The following LMX1A variants were observed in gnomAD, a reference collection of about 807,000 sequenced individuals.
LMX1A encodes the protein LIM homeobox transcription factor 1-alpha.
Under a neutral mutation model 49.1 loss-of-function variants are expected in LMX1A, and 15 were observed. That is an observed-to-expected ratio of 0.31 (90% CI 0.20 to 0.47). The LOEUF (loss-of-function observed/expected upper bound fraction) is 0.47. LMX1A is among the 20% of genes least tolerant of loss of function. LMX1A has a pLI of 1.00. For missense variants in LMX1A, 372 were observed against 475.8 expected, an observed-to-expected ratio of 0.78 and a Z score of 2.03; for synonymous variants, 167 against 185.7, an observed-to-expected ratio of 0.90 and a Z score of 0.82.
At chr1:165,224,422 G>A (rs1218800248) in intron 4 of LMX1A, among the ~76,000 whole-genome samples, 1 of 152,146 alleles carries the variant, frequency 6.6e-6, no homozygotes, top group Non-Finnish European at 1.5e-5. Flanking sequence ...ATAAAATGGG[G>A]TCGTTGAAAG....
At chr1:165,308,589 C>T (rs895055117) in intron 3 of LMX1A, among the ~76,000 whole-genome samples, 1 of 152,186 alleles carries the variant, frequency 6.6e-6, no homozygotes, top group Admixed American at 6.5e-5. Context: ...AAAGTTGTAT[C>T]ATTTAGTCCT....
intron 3 of LMX1A, among the ~76,000 whole-genome samples, chr1:165,261,090 A>G (rs986719794): frequency 3.9e-5 from 6 of 152,240 alleles, no homozygotes; most frequent in Admixed American, 2.0e-4. Context: ...GCCTGTGCAC[A>G]GAAGCTCAGG....
chr1:165,252,345 T>G (rs1357756079), intron 3 of LMX1A, among the ~76,000 whole-genome samples: 2 of 152,174 alleles, frequency 1.3e-5, no homozygotes, highest in Non-Finnish European at 2.9e-5. Flanking sequence ...TCCTTGTCAC[T>G]CCAGAGAAAT....
At chr1:165,330,401 G>A (rs570338779) in intron 3 of LMX1A, among the ~76,000 whole-genome samples, 10 of 152,338 alleles carry the variant, frequency 6.6e-5, no homozygotes, top group Non-Finnish European at 1.5e-4. Context: ...AACCCAGGAG[G>A]TTGAGGTTGC....
rs969979456 is a variant in LMX1A, at chr1:165,222,802, C to A, written c.497-8989G>T. Among the ~76,000 whole-genome samples, 3 of 152,166 alleles carry A rather than the reference C, an allele frequency of 2.0e-5. 1 individual carries two copies. The highest frequency in any genetic ancestry group is 1.3e-4 in the Admixed American group (2 of 15,268). On this transcript the variant is annotated intron_variant, in intron 4 of 8. Coordinates refer to ENST00000342310, the MANE Select transcript of LMX1A (RefSeq NM_177398.4). ...TGGAGAGGAAAGCCGAGGCCCATACCCAGCCGGGTCTATGCCTTCAGACTC... is the reference window on the plus strand; with the variant it reads ...TGGAGAGGAAAGCCGAGGCCCATACACAGCCGGGTCTATGCCTTCAGACTC...
At chr1:165,208,029 A>G in intron 7 of LMX1A, 34 bp downstream of exon 7, 1 of 1,601,830 alleles carries the variant, frequency 6.2e-7, no homozygotes, top group Non-Finnish European at 8.5e-7. Flanking sequence ...CCTGGATTCC[A>G]GCCAGAACTG....
In LMX1A at chr1:165,356,366, G is replaced by A. The variant is rs1656619293; in HGVS notation, c.-34C>T. 1 of 152,270 alleles carries A rather than the reference G, an allele frequency of 6.6e-6. No homozygotes were observed. The highest frequency in any genetic ancestry group is 1.5e-5 in the Non-Finnish European group (1 of 68,078). 9.4% of individuals were successfully genotyped at this position (152,270 alleles called of 1,614,324 possible). A position where few individuals can be genotyped will look rare whatever the true frequency, so the allele number is the denominator to read the frequency against. On this transcript the variant is annotated 5_prime_UTR_variant, in exon 1 of 9. Transcript: ENST00000342310. ...GCAGCCTTACTTACCTGGTAGGCGA[G>A]CTCTCTCCCAGTGACTGGAGCAGAG...
At chr1:165,326,764 C>T (rs1172160903) in intron 3 of LMX1A, among the ~76,000 whole-genome samples, 4 of 152,176 alleles carry the variant, frequency 2.6e-5, no homozygotes, top group Non-Finnish European at 5.9e-5. Flanking sequence ...CTCAGTTCCA[C>T]GTAGTTGCTA....
intron 3 of LMX1A, among the ~76,000 whole-genome samples, chr1:165,300,237 G>A (rs1458691464): frequency 6.6e-6 from 1 of 152,182 alleles, no homozygotes; most frequent in African/African-American, 2.4e-5. Flanking sequence ...ACCAGAGCCT[G>A]CTATCAATTA....
chr1:165,320,596 C>T (rs1655356222), intron 3 of LMX1A, among the ~76,000 whole-genome samples: 2 of 152,150 alleles, frequency 1.3e-5, no homozygotes, highest in Admixed American at 1.3e-4. Context: ...TCATCTCAAA[C>T]CTAAAAGAGA....
intron 4 of LMX1A, among the ~76,000 whole-genome samples, chr1:165,225,479 C>A (rs1286983875): frequency 1.3e-5 from 2 of 152,182 alleles, no homozygotes; most frequent in African/African-American, 4.8e-5. Context: ...CCATCACAAA[C>A]ACTTTGTGTA....
At chr1:165,321,619 A>G (rs879431406) in intron 3 of LMX1A, among the ~76,000 whole-genome samples, 6 of 152,196 alleles carry the variant, frequency 3.9e-5, no homozygotes, top group Non-Finnish European at 7.4e-5. Context: ...TCAACACAAA[A>G]TGGACCAAAG....
chr1:165,352,331 T>C (rs6426912), intron 3 of LMX1A, among the ~76,000 whole-genome samples: 133,319 of 152,260 alleles, frequency 0.88, 58,499 homozygotes, highest in Admixed American at 0.92. Context: ...GGAACTGAAC[T>C]TGCTCCGTGG....
chr1:165,256,239 T>C (rs1160081960), intron 3 of LMX1A, among the ~76,000 whole-genome samples: 1 of 152,092 alleles, frequency 6.6e-6, no homozygotes, highest in Non-Finnish European at 1.5e-5. Context: ...AGGTGAGGTG[T>C]TGGGGAAAGA....
chr1:165,262,159 C>T (rs1198067933), intron 3 of LMX1A, among the ~76,000 whole-genome samples: 1 of 152,158 alleles, frequency 6.6e-6, no homozygotes, highest in East Asian at 1.9e-4. Flanking sequence ...GAAACTCTCA[C>T]CAGCCTCCCT....
intron 4 of LMX1A, among the ~76,000 whole-genome samples, chr1:165,245,560 G>GA (rs1652822544): frequency 1.3e-5 from 2 of 150,864 alleles, no homozygotes; most frequent in Admixed American, 1.3e-4. Context: ...ATTCTCTCTG[G>GA]TTCGTCAATG....
chr1:165,351,347 A>G (rs555748075), intron 3 of LMX1A, among the ~76,000 whole-genome samples: 5 of 152,372 alleles, frequency 3.3e-5, no homozygotes, highest in South Asian at 2.1e-4. Flanking sequence ...CGAGAGAGAA[A>G]AAAGCGAGCA....
chr1:165,241,277 AAGAGGAG>A (rs1652645330), intron 4 of LMX1A, among the ~76,000 whole-genome samples: 1 of 152,224 alleles, frequency 6.6e-6, no homozygotes, highest in Admixed American at 6.5e-5. Context: ...GCAAAGACAG[AAGAGGAG>A]ATACTTGCAA....
intron 4 of LMX1A, among the ~76,000 whole-genome samples, chr1:165,241,452 C>A (rs1268071448): frequency 6.6e-6 from 1 of 152,174 alleles, no homozygotes; most frequent in Non-Finnish European, 1.5e-5. Context: ...TCTACAGCAA[C>A]CCACAAAGGC....
Sources: allele counts gnomAD v4.1 joint callset (sites outside exome capture counted in the v4.1 genomes callset), GRCh38; gene constraint gnomAD v4.1.1; transcripts MANE v1.5; gene names NCBI Gene and HGNC (gene_info 2026-07-23, HGNC 2026-07-21).